Variants in CEP112 observed in about 807,000 individuals in gnomAD.
CEP112 encodes the protein centrosomal protein of 112 kDa.
A neutral mutation model predicts 153.0 loss-of-function variants in CEP112; 127 were observed. The ratio of observed to expected loss-of-function variants is 0.83; its 90% CI spans 0.72 to 0.96. CEP112 has a LOEUF of 0.96. Ranked by LOEUF, CEP112 falls within the 40% of genes least tolerant of loss-of-function variation. The pLI is 0.00. For missense variants in CEP112, 1,089 were observed against 1,101.2 expected, an observed-to-expected ratio of 0.99 and a Z score of 0.16; for synonymous variants, 358 against 374.4, an observed-to-expected ratio of 0.96 and a Z score of 0.51.
intron 12 of CEP112, among the ~76,000 whole-genome samples, chr17:66,048,996 T>A (rs2066330890): frequency 6.6e-6 from 1 of 152,210 alleles, no homozygotes; most frequent in Non-Finnish European, 1.5e-5. Context: ...TCCCTCCAAA[T>A]CCTATCAGCT....
At chr17:65,898,923 T>A (rs1483866729) in intron 20 of CEP112, among the ~76,000 whole-genome samples, 1 of 151,976 alleles carries the variant, frequency 6.6e-6, no homozygotes, top group Non-Finnish European at 1.5e-5. Context: ...CATCAAGCAA[T>A]CTCTAAATGG....
chr17:65,996,845 G>A (rs1428429475), intron 17 of CEP112, among the ~76,000 whole-genome samples: 2 of 152,174 alleles, frequency 1.3e-5, no homozygotes, highest in Non-Finnish European at 2.9e-5. Context: ...ATGAATCTAT[G>A]TATTTACACA....
intron 20 of CEP112, among the ~76,000 whole-genome samples, chr17:65,877,165 A>T (rs1197337825): frequency 1.3e-5 from 2 of 152,208 alleles, no homozygotes; most frequent in Non-Finnish European, 1.5e-5. Flanking sequence ...TGCAATTCAA[A>T]TCTAATCCAG....
In CEP112 at chr17:65,787,139, G is replaced by A. The variant is rs137982095; in HGVS notation, c.2395-36415C>T. Among the ~76,000 whole-genome samples, 326 of 152,292 alleles carry A rather than the reference G, an allele frequency of 2.1e-3. 4 individuals carry two copies. The highest frequency in any genetic ancestry group is 7.2e-3 in the African/African-American group (299 of 41,558). On this transcript the variant is annotated intron_variant, in intron 21 of 26. Transcript: ENST00000535342. ...CAAATTTTGATTTTGTATGTGGTAG[G>A]AGGGAAATACTTTTGACTTTTTCTT...
chr17:66,013,952 G>A (rs935347276), intron 16 of CEP112, among the ~76,000 whole-genome samples: 3 of 152,204 alleles, frequency 2.0e-5, no homozygotes, highest in South Asian at 2.1e-4. Flanking sequence ...GGTGGCAATC[G>A]TGGTGGGAGG....
intron 4 of CEP112, among the ~76,000 whole-genome samples, chr17:66,142,888 G>A (rs184015019): frequency 1.1e-4 from 16 of 152,160 alleles, no homozygotes; most frequent in African/African-American, 1.9e-4. Context: ...GAAAAAAGCC[G>A]TTGGAGTTTT....
intron 21 of CEP112, among the ~76,000 whole-genome samples, chr17:65,822,083 T>G (rs2056616437): frequency 6.6e-6 from 1 of 151,896 alleles, no homozygotes; most frequent in Non-Finnish European, 1.5e-5. Context: ...ATAATATTAT[T>G]TTAAAATATT....
chr17:66,063,000 T>G lies in CEP112; in HGVS notation c.1037A>C (p.Gln346Pro). ...QIAELKKICEQSTESLNNDWE... is the reference protein window; with the variant it reads ...QIAELKKICEPSTESLNNDWE... The stretch of plus-strand genomic sequence containing the variant: ...GTCATTATTTAGAGATTCCGTACTT[T>G]GTTCACATATCTTTTTCAGCTCTGC... The change falls in exon 11 of 27, where the codon CAA (glutamine) becomes CCA (proline). Residue 346 changes from glutamine to proline, a missense_variant. Coordinates refer to ENST00000535342, the MANE Select transcript of CEP112 (RefSeq NM_001199165.4). The G allele has an allele frequency of 6.3e-7, 1 of 1,599,422 alleles. No individual in the cohort carries two copies. Among genetic ancestry groups the G allele is most frequent in the South Asian group, 1.1e-5 (1 of 87,746 alleles).
At chr17:65,729,915 A>T (rs1341891629) in intron 23 of CEP112, among the ~76,000 whole-genome samples, 1 of 908 alleles carries the variant, frequency 1.1e-3, no homozygotes, top group Non-Finnish European at 2.0e-3. Flanking sequence ...CCTGTCTCAA[A>T]CAAACAAACA....
At chr17:65,971,162 T>TACATGTACAGC (rs71966028) in intron 17 of CEP112, among the ~76,000 whole-genome samples, 3 of 150,960 alleles carry the variant, frequency 2.0e-5, no homozygotes, top group African/African-American at 7.4e-5. Context: ...ACATGTACAT[T>TACATGTACAGC]ACATGTACAG....
At chr17:66,055,466 A>T (rs1388135742) in intron 11 of CEP112, among the ~76,000 whole-genome samples, 1 of 152,296 alleles carries the variant, frequency 6.6e-6, no homozygotes, top group East Asian at 1.9e-4. Context: ...AATGCACCCA[A>T]ATCTCAGTGC....
At chr17:65,917,814 GTCT>G (rs573294495) in intron 19 of CEP112, among the ~76,000 whole-genome samples, 124 of 152,084 alleles carry the variant, frequency 8.2e-4, no homozygotes, top group African/African-American at 2.7e-3. Flanking sequence ...ACTAGTGAGT[GTCT>G]TCCCCTTTCC....
chr17:66,176,178 A>T (rs2072464916), intron 3 of CEP112, among the ~76,000 whole-genome samples: 1 of 152,228 alleles, frequency 6.6e-6, no homozygotes, highest in Admixed American at 6.5e-5. Flanking sequence ...CATTAAAAAA[A>T]TACATATATA....
chr17:65,993,296 ATTCCATGGTATATATG>A (rs1598039003), intron 17 of CEP112, among the ~76,000 whole-genome samples: 1 of 152,204 alleles, frequency 6.6e-6, no homozygotes, highest in East Asian at 1.9e-4. Context: ...GCTGCATAGT[ATTCCATGGTATATATG>A]TACCACATTT....
At chr17:65,668,460 T>C (rs948767031) in intron 24 of CEP112, among the ~76,000 whole-genome samples, 2 of 152,214 alleles carry the variant, frequency 1.3e-5, no homozygotes, top group Non-Finnish European at 2.9e-5. Context: ...GCATTTTTCT[T>C]TTCCTAACTC....
chr17:66,046,770 G>C (rs996794858), intron 12 of CEP112, among the ~76,000 whole-genome samples: 1 of 150,198 alleles, frequency 6.7e-6, no homozygotes, highest in Non-Finnish European at 1.5e-5. Context: ...AGAAGGCCAT[G>C]TGAAGACATC....
intron 8 of CEP112, among the ~76,000 whole-genome samples, chr17:66,092,356 A>AACACACACACACACACACACACAC (rs3056819): frequency 3.0e-5 from 4 of 135,064 alleles, no homozygotes; most frequent in Admixed American, 1.5e-4. Flanking sequence ...CATTAATTTA[A>AACACACACACACACACACACACAC]ACACACACAC....
intron 5 of CEP112, 132 bp from the exon 6 acceptor site, chr17:66,129,955 G>T: frequency 1.1e-5 from 5 of 466,232 alleles, no homozygotes; most frequent in Non-Finnish European, 1.9e-5. Flanking sequence ...AGTAAAAAAG[G>T]AAAAAAGGAA....
intron 24 of CEP112, among the ~76,000 whole-genome samples, chr17:65,654,273 T>C: frequency 6.6e-6 from 1 of 152,188 alleles, no homozygotes; most frequent in Non-Finnish European, 1.5e-5. Flanking sequence ...ACTTTGATTC[T>C]GAAGTATAAA....
Sources: allele counts gnomAD v4.1 joint callset (sites outside exome capture counted in the v4.1 genomes callset), GRCh38; gene constraint gnomAD v4.1.1; transcripts MANE v1.5; gene names NCBI Gene and HGNC (gene_info 2026-07-23, HGNC 2026-07-21).